Variants in SLC9A8 observed in about 807,000 individuals in gnomAD.
The protein encoded by SLC9A8 is sodium/hydrogen exchanger 8.
SLC9A8 carries 48 observed loss-of-function variants against 66.6 expected under a neutral mutation model. The ratio of observed to expected loss-of-function variants is 0.72; its 90% CI spans 0.57 to 0.92. The LOEUF (loss-of-function observed/expected upper bound fraction) is 0.92. Among genes scored for constraint, SLC9A8 ranks in the 40% least tolerant of loss-of-function variants. SLC9A8 has a pLI of 0.00. For synonymous variants in SLC9A8, 274 were observed against 282.6 expected (o/e 0.97, Z 0.31); for missense variants, 599 against 747.3 (o/e 0.80, Z 2.31).
chr20:49,866,156 G>A (rs1194830048), intron 10 of SLC9A8, among the ~76,000 whole-genome samples: 1 of 152,152 alleles, frequency 6.6e-6, no homozygotes, highest in East Asian at 1.9e-4. Context: ...CACTGATCCT[G>A]CACTGTCATT....
chr20:49,813,341 G>A (rs529213869), intron 1 of SLC9A8, among the ~76,000 whole-genome samples: 1 of 152,310 alleles, frequency 6.6e-6, no homozygotes, highest in African/African-American at 2.4e-5. Flanking sequence ...ATAACGATCA[G>A]TTTTCATGTC....
intron 13 of SLC9A8, 99 bp from the exon 14 acceptor site, chr20:49,883,747 G>C: frequency 1.1e-6 from 1 of 904,914 alleles, no homozygotes; most frequent in South Asian, 1.6e-5. Context: ...AGAATAGTCA[G>C]CTGGTCGTGG....
chr20:49,886,925 C>T lies in SLC9A8; in HGVS notation c.1638+27C>T, dbSNP rs769172385. 6.3e-7 allele frequency: 1 copy of T among 1,599,860 alleles called. No individual in the cohort carries two copies. The highest frequency in any genetic ancestry group is 8.5e-7 in the Non-Finnish European group (1 of 1,171,318). ...TGGGATACCGGCCAGGCCACACTTT[C>T]TGGGGGTCCCTTGCCTGCCTCCTTC... On this transcript the variant is annotated intron_variant, in intron 15 of 15. Transcript: ENST00000361573. The surrounding 1 kb of genome is among the most constrained non-coding windows in gnomAD (Gnocchi z 4.8).
At chr20:49,828,263 G>A (rs887105205) in intron 3 of SLC9A8, among the ~76,000 whole-genome samples, 3 of 151,548 alleles carry the variant, frequency 2.0e-5, no homozygotes, top group African/African-American at 7.3e-5. Flanking sequence ...TGTATTTTTA[G>A]TAGAAACAGG....
rs924364641 is a variant in SLC9A8 at position 49,890,343 on chromosome 20, C to G, written c.*2407C>G. 6.6e-6 allele frequency: 1 copy of G among 152,176 alleles called. No homozygotes were observed. The highest frequency in any genetic ancestry group is 1.5e-5 in the Non-Finnish European group (1 of 68,040). 9.4% of individuals were successfully genotyped at this position (152,176 alleles called of 1,614,324 possible). Reference sequence around the variant, plus strand: ...TCTACCTTTAGCACACCCAATAATTCTATTTGGGGCAGTGAATGCATAGAA... The same window carrying G: ...TCTACCTTTAGCACACCCAATAATTGTATTTGGGGCAGTGAATGCATAGAA... On this transcript the variant is annotated 3_prime_UTR_variant, in exon 16 of 16. Transcript: ENST00000361573.
Position 49,886,537 on chromosome 20 carries a change from C to T in SLC9A8, c.1492-215C>T. 1.8e-6 allele frequency: 1 copy of T among 543,074 alleles called. No homozygotes were observed. Among genetic ancestry groups the T allele is most frequent in the Non-Finnish European group, 3.2e-6 (1 of 308,246 alleles). The allele number at this position is 543,074 out of a possible 1,614,324, so 33.6% of individuals were successfully genotyped here. A position where few individuals can be genotyped will look rare whatever the true frequency, so the allele number is the denominator to read the frequency against. On this transcript the variant is annotated intron_variant, in intron 14 of 15. Coordinates refer to ENST00000361573, the MANE Select transcript of SLC9A8 (RefSeq NM_015266.3). This position sits in a 1 kb window ranked among gnomAD's most constrained non-coding sequence, Gnocchi z 4.8. The stretch of plus-strand genomic sequence containing the variant: ...GCCCAGTCCTTCTGTTTTAGCTGTC[C>T]TAGGTGGGGTCCTGGGCATCCATTG...
chr20:49,877,094 C>T (rs2089453135), intron 11 of SLC9A8, among the ~76,000 whole-genome samples: 1 of 150,290 alleles, frequency 6.7e-6, no homozygotes, highest in Non-Finnish European at 1.5e-5. Context: ...TTGAGACCAG[C>T]CTGGCCAACA....
chr20:49,846,230 T>C (rs1033489495), intron 5 of SLC9A8, among the ~76,000 whole-genome samples: 11 of 152,188 alleles, frequency 7.2e-5, no homozygotes, highest in African/African-American at 2.7e-4. Context: ...GTGAGTTTTC[T>C]TTAAACATAA....
chr20:49,864,332 G>A (rs1449956108), intron 9 of SLC9A8, among the ~76,000 whole-genome samples: 1 of 152,166 alleles, frequency 6.6e-6, no homozygotes, highest in East Asian at 1.9e-4. Context: ...GATCTCATCC[G>A]ATGTTGTTGG....
chr20:49,886,746 G>A lies in SLC9A8; in HGVS notation c.1492-6G>A, dbSNP rs761496319. 1.5e-5 allele frequency: 24 copies of A among 1,612,546 alleles called. No individual in the cohort carries two copies. The East Asian group carries it at 4.2e-4, about 28-fold the overall frequency. On this transcript the variant is annotated splice_polypyrimidine_tract_variant and splice_region_variant and intron_variant, in intron 14 of 15. Coordinates refer to ENST00000361573, the MANE Select transcript of SLC9A8 (RefSeq NM_015266.3). This position sits in a 1 kb window ranked among gnomAD's most constrained non-coding sequence, Gnocchi z 4.8. ...GGCCGTCGGGCCGCCTTTCCTCCCTGCTCAGGGCAACACTGTGGAGTCGGA... is the reference window on the plus strand; with the variant it reads ...GGCCGTCGGGCCGCCTTTCCTCCCTACTCAGGGCAACACTGTGGAGTCGGA...
intron 3 of SLC9A8, among the ~76,000 whole-genome samples, chr20:49,834,469 GTA>G (rs148411294): frequency 3.4e-4 from 24 of 70,528 alleles, no homozygotes; most frequent in Admixed American, 7.6e-4. Context: ...TATATACTGT[GTA>G]TATATATATA....
chr20:49,829,865 A>G lies in SLC9A8; in HGVS notation c.289+6724A>G, dbSNP rs1020254623. On this transcript the variant is annotated intron_variant, in intron 3 of 15. Transcript: ENST00000361573. ...GAAGAAGATCATGGGAGATGGAAAG[A>G]AGGGGGTGTCTTCGGGCTCTTCAGA... 3.4e-5 allele frequency: 19 copies of G among 566,962 alleles called. No individual in the cohort carries two copies. The Admixed American group carries it at 3.7e-4, about 11-fold the overall frequency. 35.1% of individuals were successfully genotyped at this position (566,962 alleles called of 1,614,324 possible).
rs1453042819 is a variant in SLC9A8, at chr20:49,878,131, A to T, written c.1158+68A>T. The T allele has an allele frequency of 3.1e-5, 30 of 964,656 alleles. No homozygotes were observed. In the African/African-American group the frequency reaches 4.7e-4, roughly 15 times the overall value. The allele number at this position is 964,656 out of a possible 1,614,324, so 59.8% of individuals were successfully genotyped here. ...GTAGATCAATAAACACATGTTCCGGATTCATTTATGTAACTGTTAACTGTT... is the reference window on the plus strand; with the variant it reads ...GTAGATCAATAAACACATGTTCCGGTTTCATTTATGTAACTGTTAACTGTT... On this transcript the variant is annotated intron_variant, in intron 12 of 15. Coordinates refer to ENST00000361573, the MANE Select transcript of SLC9A8 (RefSeq NM_015266.3).
intron 3 of SLC9A8, among the ~76,000 whole-genome samples, chr20:49,831,528 A>G (rs529482937): frequency 6.6e-6 from 1 of 151,832 alleles, no homozygotes; most frequent in Non-Finnish European, 1.5e-5. Context: ...AACCCCTTCC[A>G]GTCAAGGAAC....
At chr20:49,885,193 T>C (rs971494971) in intron 14 of SLC9A8, among the ~76,000 whole-genome samples, 102 of 152,222 alleles carry the variant, frequency 6.7e-4, no homozygotes, top group Non-Finnish European at 3.8e-4. Flanking sequence ...CTACCAACTT[T>C]TTTGTTTTTC....
intron 2 of SLC9A8, 25 bp downstream of exon 2, chr20:49,815,214 A>G: frequency 1.3e-6 from 2 of 1,482,954 alleles, no homozygotes; most frequent in Non-Finnish European, 1.8e-6. Context: ...TGTCATCCCC[A>G]TCATCTGCCA....
intron 14 of SLC9A8, among the ~76,000 whole-genome samples, chr20:49,884,338 C>CACA (rs1600823664): frequency 0.012 from 524 of 44,568 alleles, 147 homozygotes; most frequent in Middle Eastern, 0.049. Flanking sequence ...ACACACACAC[C>CACA]CCCCGGTCAT....
intron 2 of SLC9A8, among the ~76,000 whole-genome samples, chr20:49,819,291 C>G (rs1361372714): frequency 6.6e-6 from 1 of 152,176 alleles, no homozygotes; most frequent in Non-Finnish European, 1.5e-5. Context: ...TGAAAGCACA[C>G]CCTCCATACC....
chr20:49,825,680 C>T (rs1349394822), intron 3 of SLC9A8, among the ~76,000 whole-genome samples: 1 of 152,006 alleles, frequency 6.6e-6, no homozygotes, highest in African/African-American at 2.4e-5. Context: ...GGGGTAGGGG[C>T]GCTCACCTCT....
Sources: allele counts gnomAD v4.1 joint callset (sites outside exome capture counted in the v4.1 genomes callset), GRCh38; gene constraint gnomAD v4.1.1; non-coding constraint Gnocchi (gnomAD v3.1); transcripts MANE v1.5; gene names NCBI Gene and HGNC (gene_info 2026-07-23, HGNC 2026-07-21).